Variants in NPLOC4 observed in about 807,000 individuals in gnomAD.
NPLOC4 encodes nuclear protein localization protein 4 homolog.
Under a neutral mutation model 80.6 loss-of-function variants are expected in NPLOC4, and 18 were observed. The ratio of observed to expected loss-of-function variants is 0.22; its 90% CI spans 0.15 to 0.33. NPLOC4 has a LOEUF of 0.33. Among genes scored for constraint, NPLOC4 ranks in the 10% least tolerant of loss-of-function variants. The pLI, the probability that NPLOC4 is intolerant of heterozygous loss-of-function variation, is 1.00. For synonymous variants in NPLOC4, 313 were observed against 301.5 expected (o/e 1.04, Z -0.39); for missense variants, 540 against 786.1 (o/e 0.69, Z 3.74).
rs138878497 is a variant in NPLOC4, at chr17:81,589,650, G to A, written c.1121-546C>T. The stretch of plus-strand genomic sequence containing the variant: ...CCGCACACACTTGGCTCCACAAACA[G>A]GTGCCACTAAGGACATGCTCTATGA... On this transcript the variant is annotated intron_variant, in intron 11 of 16. Transcript: ENST00000331134. Among the ~76,000 whole-genome samples, 836 of 152,044 alleles carry A rather than the reference G, an allele frequency of 5.5e-3. 11 individuals are homozygous for A. The highest frequency in any genetic ancestry group is 0.019 in the African/African-American group (785 of 41,454).
rs554965681 is a variant in NPLOC4, at chr17:81,590,797, A to G, written c.1121-1693T>C. Reference sequence around the variant, plus strand: ...CAGAAAGCAAACCTGACGGCCACACAATCAAAAAAGGTGAGGGAGGAGATA... The same window carrying G: ...CAGAAAGCAAACCTGACGGCCACACGATCAAAAAAGGTGAGGGAGGAGATA... On this transcript the variant is annotated intron_variant, in intron 11 of 16. Transcript: ENST00000331134. 2.0e-5 allele frequency among the ~76,000 whole-genome samples: 3 copies of G among 152,320 alleles called. No individual in the cohort carries two copies. The East Asian group carries it at 5.8e-4, about 29-fold the overall frequency.
chr17:81,559,133 C>T lies in NPLOC4; in HGVS notation c.*126G>A, dbSNP rs2033756897. On this transcript the variant is annotated 3_prime_UTR_variant, in exon 17 of 17. Transcript: ENST00000331134. The stretch of plus-strand genomic sequence containing the variant: ...CTTCAGTGGGTCAGGGAGCCCAGGA[C>T]AGCCAGCCCCTTGTTCCTCCAGGGC... The T allele has an allele frequency of 3.6e-6, 4 of 1,116,548 alleles. No individual in the cohort carries two copies. Among genetic ancestry groups the T allele is most frequent in the Non-Finnish European group, 3.7e-6 (3 of 808,684 alleles). The allele number at this position is 1,116,548 out of a possible 1,614,324, so 69.2% of individuals were successfully genotyped here.
chr17:81,609,820 T>C (rs1015448696), intron 5 of NPLOC4, among the ~76,000 whole-genome samples: 1 of 152,180 alleles, frequency 6.6e-6, no homozygotes, highest in Non-Finnish European at 1.5e-5. Context: ...TTACGGTAAC[T>C]CTCAGTCTCA....
At chr17:81,634,360 A>G (rs2036012761) in intron 1 of NPLOC4, among the ~76,000 whole-genome samples, 1 of 152,156 alleles carries the variant, frequency 6.6e-6, no homozygotes, top group South Asian at 2.1e-4. Context: ...ATCAATTTCA[A>G]AAGAAGAGTG....
chr17:81,599,260 G>A (rs1344193797), intron 9 of NPLOC4, among the ~76,000 whole-genome samples: 3 of 151,616 alleles, frequency 2.0e-5, no homozygotes, highest in East Asian at 1.9e-4. Flanking sequence ...CTGCACTCCA[G>A]CCTGGGTGAA....
Position 81,560,680 on chromosome 17 carries a change from AAAAC to A in NPLOC4, c.1670-1268_1670-1265del, listed in dbSNP as rs201672898. 171 of 152,548 alleles carry A rather than the reference AAAAC, an allele frequency of 1.1e-3. 1 individual carries two copies. The highest frequency in any genetic ancestry group is 2.8e-3 in the African/African-American group (116 of 41,352). 9.4% of individuals were successfully genotyped at this position (152,548 alleles called of 1,614,324 possible). On this transcript the variant is annotated intron_variant, in intron 16 of 16. Coordinates refer to ENST00000331134, the MANE Select transcript of NPLOC4 (RefSeq NM_017921.4). ...CGAGGTTGCAGTAAGCCGAGATCTC[AAAAC>A]AAACAAACAAACAAACAACAACAAC...
intron 3 of NPLOC4, 49 bp from the exon 4 acceptor site, chr17:81,613,543 T>A: frequency 6.4e-7 from 1 of 1,551,212 alleles, no homozygotes; most frequent in Non-Finnish European, 8.7e-7. Context: ...CCACCTGAGC[T>A]TCATGGAAGC....
intron 3 of NPLOC4, among the ~76,000 whole-genome samples, chr17:81,618,531 A>G: frequency 1.6e-5 from 2 of 124,716 alleles, no homozygotes; most frequent in Admixed American, 8.0e-5. Context: ...TCCGGGAGGG[A>G]GGTGAGGGGT....
chr17:81,631,466 C>CT (rs2035930221), intron 1 of NPLOC4, among the ~76,000 whole-genome samples: 1 of 103,676 alleles, frequency 9.6e-6, no homozygotes, highest in Non-Finnish European at 2.1e-5. Context: ...TTTTTTTCCC[C>CT]CACGGCAAGC....
At chr17:81,597,813 T>C (rs2034956123) in intron 9 of NPLOC4, among the ~76,000 whole-genome samples, 2 of 140,638 alleles carry the variant, frequency 1.4e-5, no homozygotes, top group South Asian at 2.3e-4. Context: ...TAGCTGGGCG[T>C]GGCCGGGTGT....
chr17:81,616,182 G>C (rs1454506305), intron 3 of NPLOC4, among the ~76,000 whole-genome samples: 1 of 151,608 alleles, frequency 6.6e-6, no homozygotes, highest in Admixed American at 6.6e-5. Flanking sequence ...TTAGCCGGGG[G>C]TGGTGGCGGG....
intron 12 of NPLOC4, among the ~76,000 whole-genome samples, chr17:81,576,769 C>T (rs2034313695): frequency 6.6e-6 from 1 of 152,092 alleles, no homozygotes; most frequent in Non-Finnish European, 1.5e-5. Context: ...ACAAAGAAAA[C>T]AGTCAGTAAA....
chr17:81,615,104 T>C (rs796705223), intron 3 of NPLOC4, among the ~76,000 whole-genome samples: 22 of 32,510 alleles, frequency 6.8e-4, no homozygotes, highest in South Asian at 3.1e-3. Flanking sequence ...CTGTTTCTTT[T>C]TTTTTTTTTT....
intron 11 of NPLOC4, among the ~76,000 whole-genome samples, chr17:81,591,713 C>T (rs1023012526): frequency 6.6e-6 from 1 of 152,170 alleles, no homozygotes; most frequent in African/African-American, 2.4e-5. Flanking sequence ...TGTAACCCTG[C>T]CGGAATGGCT....
rs1219894329 is a variant in NPLOC4, at chr17:81,557,803, G to A, written c.*1456C>T. ...CCAGACCCAACCCAACTGGCCCCTG[G>A]TCCCAAGAGCAGATGAGCTGCTTGG... is the stretch of plus-strand genomic sequence containing the variant. On this transcript the variant is annotated 3_prime_UTR_variant, in exon 17 of 17. Transcript: ENST00000331134. The A allele has an allele frequency of 3.9e-5, 6 of 152,396 alleles. No homozygotes were observed. In the East Asian group the frequency reaches 9.7e-4, roughly 25 times the overall value. The allele number at this position is 152,396 out of a possible 1,614,324, so 9.4% of individuals were successfully genotyped here.
intron 1 of NPLOC4, among the ~76,000 whole-genome samples, chr17:81,630,161 A>G (rs1278316894): frequency 9.9e-5 from 15 of 152,132 alleles, no homozygotes; most frequent in Admixed American, 2.0e-4. Flanking sequence ...TGTTCTTTAA[A>G]AAAGATGTTA....
chr17:81,573,008 G>A (rs1307262394), intron 12 of NPLOC4, among the ~76,000 whole-genome samples: 2 of 152,078 alleles, frequency 1.3e-5, no homozygotes, highest in African/African-American at 2.4e-5. Flanking sequence ...GGGGAAAAAC[G>A]GCCAGCATAT....
At chr17:81,595,081 A>C (rs1008429972) in intron 11 of NPLOC4, among the ~76,000 whole-genome samples, 1 of 152,046 alleles carries the variant, frequency 6.6e-6, no homozygotes, top group Non-Finnish European at 1.5e-5. Flanking sequence ...ATTTTTGTAG[A>C]GATGGGGACT....
intron 8 of NPLOC4, 109 bp downstream of exon 8, chr17:81,604,439 A>T: frequency 2.0e-6 from 2 of 984,834 alleles, no homozygotes; most frequent in Non-Finnish European, 3.0e-6. Context: ...CCGGTGTGTG[A>T]CAAAGGGGGA....
Sources: gnomAD v4.1 joint callset for allele counts (sites outside exome capture counted in the v4.1 genomes callset) on GRCh38, gnomAD v4.1.1 for gene constraint, MANE v1.5 for transcripts, NCBI Gene and HGNC (gene_info 2026-07-23, HGNC 2026-07-21) for gene names.